Variants in AGBL1 observed in about 807,000 individuals in gnomAD.
AGBL1 encodes cytosolic carboxypeptidase 4.
AGBL1 carries 130 observed loss-of-function variants against 118.9 expected under a neutral mutation model. The observed-to-expected ratio is 1.09, with a 90% CI of 0.95 to 1.26. The LOEUF (loss-of-function observed/expected upper bound fraction) is 1.26, where lower values mean the gene tolerates loss of function less well. Among genes scored for constraint, AGBL1 ranks in the 50% most tolerant of loss-of-function variants. The pLI is 0.00. For synonymous variants in AGBL1, 555 were observed against 478.9 expected, an observed-to-expected ratio of 1.16 and a Z score of -2.08; for missense variants, 1,584 against 1,298.1, an observed-to-expected ratio of 1.22 and a Z score of -3.38.
At chr15:86,663,737 A>G (rs770352001) in intron 21 of AGBL1, among the ~76,000 whole-genome samples, 2 of 152,172 alleles carry the variant, frequency 1.3e-5, no homozygotes, top group Non-Finnish European at 2.9e-5. Flanking sequence ...AAACAAATCC[A>G]TGAAGTATAA....
chr15:86,360,002 C>T (rs889761365), intron 17 of AGBL1, among the ~76,000 whole-genome samples: 1 of 151,710 alleles, frequency 6.6e-6, no homozygotes, highest in African/African-American at 2.4e-5. Context: ...TTACTTTTTC[C>T]TTTCTGATTT....
intron 17 of AGBL1, among the ~76,000 whole-genome samples, chr15:86,337,472 T>C (rs2080391005): frequency 6.6e-6 from 1 of 152,140 alleles, no homozygotes; most frequent in Admixed American, 6.5e-5. Context: ...CCATGAATGA[T>C]AGACTGGATA....
At chr15:86,916,571 G>A (rs1028149775), downstream of AGBL1, among the ~76,000 whole-genome samples, 3 of 152,190 alleles carry the variant, frequency 2.0e-5, no homozygotes, top group African/African-American at 7.2e-5. Context: ...CGTAGCATAT[G>A]GAATAGAACA....
chr15:86,609,854 T>C (rs1173837687), intron 21 of AGBL1, among the ~76,000 whole-genome samples: 3 of 152,194 alleles, frequency 2.0e-5, no homozygotes, highest in Non-Finnish European at 4.4e-5. Flanking sequence ...CGACTACTTA[T>C]TAAATGCCAA....
In AGBL1 at chr15:86,910,505, T is replaced by G. The variant is rs7174605; in HGVS notation, c.*3211T>G. The G allele has an allele frequency of 0.45, 68,006 of 152,052 alleles. 17,766 individuals carry two copies. The highest frequency in any genetic ancestry group is 0.74 in the African/African-American group (30,655 of 41,476). The allele number at this position is 152,052 out of a possible 1,614,324, so 9.4% of individuals were successfully genotyped here. On this transcript the variant is annotated 3_prime_UTR_variant, in exon 23 of 23. Transcript: ENST00000614907. ...GCCCGTGACTGATATCAGCGCCATTTTTCCCTTGTTTATGGCTGAGGGTTT... is the reference window on the plus strand; with the variant it reads ...GCCCGTGACTGATATCAGCGCCATTGTTCCCTTGTTTATGGCTGAGGGTTT...
chr15:86,646,192 A>G (rs1342918114), intron 21 of AGBL1, among the ~76,000 whole-genome samples: 2 of 152,214 alleles, frequency 1.3e-5, no homozygotes, highest in Non-Finnish European at 2.9e-5. Flanking sequence ...GCATCAGGGC[A>G]GAAGGGAATT....
intron 21 of AGBL1, among the ~76,000 whole-genome samples, chr15:86,557,025 T>C (rs1468954121): frequency 1.3e-5 from 2 of 152,212 alleles, no homozygotes; most frequent in Admixed American, 1.3e-4. Flanking sequence ...ATAATGATTA[T>C]TAATACGATA....
At chr15:86,436,178 T>C (rs1399645589) in intron 18 of AGBL1, among the ~76,000 whole-genome samples, 1 of 149,384 alleles carries the variant, frequency 6.7e-6, no homozygotes, top group Non-Finnish European at 1.5e-5. Context: ...GTCTTACCGC[T>C]CTCTGTGGTG....
At chr15:86,290,343 CTTTT>C (rs559169172) in intron 16 of AGBL1, among the ~76,000 whole-genome samples, 19 of 134,330 alleles carry the variant, frequency 1.4e-4, no homozygotes, top group South Asian at 4.7e-4. Context: ...TCTTTTCTTT[CTTTT>C]TTTTTTTTTT....
intron 22 of AGBL1, among the ~76,000 whole-genome samples, chr15:86,733,199 C>CAAA (rs2077549682): frequency 6.6e-6 from 1 of 151,970 alleles, no homozygotes; most frequent in East Asian, 1.9e-4. Context: ...TGGTATAGTG[C>CAAA]AGTCTGTGTC....
chr15:86,385,551 C>T (rs2081172075), intron 17 of AGBL1, among the ~76,000 whole-genome samples: 1 of 152,232 alleles, frequency 6.6e-6, no homozygotes, highest in Non-Finnish European at 1.5e-5. Flanking sequence ...AATTATTTTA[C>T]TTCCCATAAA....
chr15:86,088,573 A>G (rs1895821366), intron 1 of AGBL1, among the ~76,000 whole-genome samples: 2 of 152,246 alleles, frequency 1.3e-5, no homozygotes, highest in South Asian at 4.1e-4. Context: ...CAACAGCACT[A>G]GAATCCCAAG....
intron 17 of AGBL1, among the ~76,000 whole-genome samples, chr15:86,364,229 C>T (rs2080845896): frequency 6.6e-6 from 1 of 152,142 alleles, no homozygotes; most frequent in Non-Finnish European, 1.5e-5. Context: ...ACCCAGCTCT[C>T]CACATACTTT....
intron 23 of AGBL1, chr15:86,932,948 T>C (rs1207048463): frequency 1.3e-5 from 2 of 152,198 alleles, no homozygotes; most frequent in Non-Finnish European, 2.9e-5. Context: ...GTCATCTCCA[T>C]GGTGATTTTT....
Position 86,463,124 on chromosome 15 carries a change from C to T in AGBL1, c.2556-59686C>T, listed in dbSNP as rs1323570913. Among the ~76,000 whole-genome samples, 12 of 152,074 alleles carry T rather than the reference C, an allele frequency of 7.9e-5. No homozygotes were observed. In the South Asian group the frequency reaches 8.3e-4, roughly 11 times the overall value. On this transcript the variant is annotated intron_variant, in intron 18 of 22. Coordinates refer to ENST00000614907, the MANE Select transcript of AGBL1 (RefSeq NM_001386094.1). ...TGTTGTTTCCTGACTTTTTAATGAT[C>T]GCCATTCTAACTGGTGTGAGATGGT...
intron 6 of AGBL1, among the ~76,000 whole-genome samples, chr15:86,229,996 C>T (rs140700835): frequency 1.3e-5 from 2 of 152,074 alleles, no homozygotes; most frequent in Non-Finnish European, 2.9e-5. Context: ...GGCATGGGAA[C>T]AGAAAAGCAA....
chr15:86,308,382 G>A (rs192838938), intron 17 of AGBL1, among the ~76,000 whole-genome samples: 3 of 152,176 alleles, frequency 2.0e-5, no homozygotes, highest in Admixed American at 1.3e-4. Context: ...TCTGCCATGT[G>A]AGGACACTGA....
At chr15:86,737,018 T>C (rs1012235839) in intron 22 of AGBL1, among the ~76,000 whole-genome samples, 3 of 152,242 alleles carry the variant, frequency 2.0e-5, no homozygotes, top group African/African-American at 7.2e-5. Context: ...CTGACAATAT[T>C]TTCTGGCATT....
chr15:86,350,462 T>G (rs1039024346), intron 17 of AGBL1, among the ~76,000 whole-genome samples: 1 of 152,214 alleles, frequency 6.6e-6, no homozygotes, highest in African/African-American at 2.4e-5. Flanking sequence ...TAATATGAAG[T>G]GAGCATGTGC....
Sources: gnomAD v4.1 joint callset for allele counts (sites outside exome capture counted in the v4.1 genomes callset) on GRCh38, gnomAD v4.1.1 for gene constraint, MANE v1.5 for transcripts, NCBI Gene and HGNC (gene_info 2026-07-23, HGNC 2026-07-21) for gene names.